Variants in PTPRN2 observed in about 807,000 individuals in gnomAD.
PTPRN2 encodes the protein receptor-type tyrosine-protein phosphatase N2.
PTPRN2 carries 74 observed loss-of-function variants against 118.8 expected under a neutral mutation model. The ratio of observed to expected loss-of-function variants is 0.62; its 90% confidence interval spans 0.52 to 0.76. The LOEUF (loss-of-function observed/expected upper bound fraction) is 0.76. PTPRN2 is among the 30% of genes least tolerant of loss of function. The pLI is 0.00. For missense variants in PTPRN2, 1,481 were observed against 1,394.4 expected (o/e 1.06, Z -0.99); for synonymous variants, 641 against 608.0 (o/e 1.05, Z -0.80).
chr7:158,564,861 C>T lies in PTPRN2; in HGVS notation c.112+22697G>A, dbSNP rs751323054. On this transcript the variant is annotated intron_variant, in intron 1 of 22. Coordinates refer to ENST00000389418, the MANE Select transcript of PTPRN2 (RefSeq NM_002847.5). ...AGCCAGGAAAATGAAGGGTCACAGA[C>T]GCCCTGCTGGGAGCTAAAGAGAAAT... 4.2e-4 allele frequency among the ~76,000 whole-genome samples: 64 copies of T among 152,270 alleles called. 1 individual carries two copies. Among genetic ancestry groups the T allele is most frequent in the Non-Finnish European group, 8.4e-4 (57 of 68,030 alleles).
intron 12 of PTPRN2, among the ~76,000 whole-genome samples, chr7:157,777,265 G>T (rs1464152218): frequency 3.9e-5 from 6 of 152,236 alleles, no homozygotes; most frequent in Non-Finnish European, 4.4e-5. Context: ...AAGTGGAATT[G>T]GAAACACGCC....
chr7:158,008,232 A>AG (rs1426583750), intron 11 of PTPRN2, among the ~76,000 whole-genome samples: 2 of 152,088 alleles, frequency 1.3e-5, no homozygotes, highest in African/African-American at 2.4e-5. Flanking sequence ...ATGGGTTCTG[A>AG]GGAATGAACG....
intron 1 of PTPRN2, among the ~76,000 whole-genome samples, chr7:158,498,414 G>C (rs1586809877): frequency 6.6e-6 from 1 of 152,150 alleles, no homozygotes; most frequent in Non-Finnish European, 1.5e-5. Flanking sequence ...AGAATTGTTT[G>C]TTTTATTTTT....
At chr7:158,131,353 A>G (rs951887786) in intron 9 of PTPRN2, among the ~76,000 whole-genome samples, 8 of 146,722 alleles carry the variant, frequency 5.5e-5, no homozygotes, top group African/African-American at 2.0e-4. Flanking sequence ...ATTTGCACAA[A>G]CCAATACACA....
At chr7:157,687,342 G>A (rs1348795155) in intron 12 of PTPRN2, among the ~76,000 whole-genome samples, 1 of 152,194 alleles carries the variant, frequency 6.6e-6, no homozygotes, top group African/African-American at 2.4e-5. Context: ...GTGTTGACGG[G>A]TAGCCAGATT....
intron 3 of PTPRN2, among the ~76,000 whole-genome samples, chr7:158,236,790 C>CCACTTCGCCGCCACCCATGCTGCCAT (rs1585931104): frequency 8.6e-5 from 6 of 69,814 alleles, no homozygotes; most frequent in East Asian, 4.2e-4. Flanking sequence ...GACCACTCTG[C>CCACTTCGCCGCCACCCATGCTGCCAT]TGTGGGGAAA....
intron 3 of PTPRN2, among the ~76,000 whole-genome samples, chr7:158,236,224 C>T (rs1051392323): frequency 2.6e-5 from 4 of 152,274 alleles, no homozygotes; most frequent in Admixed American, 2.6e-4. Flanking sequence ...AAACGCTTGG[C>T]TAAATGAAGA....
At chr7:158,462,071 C>CTCCCGCGTGACCT (rs1554509799) in intron 2 of PTPRN2, among the ~76,000 whole-genome samples, 3 of 152,282 alleles carry the variant, frequency 2.0e-5, no homozygotes, top group Admixed American at 2.0e-4. Context: ...CCTGTGCTTC[C>CTCCCGCGTGACCT]GCCCACGCCC....
intron 7 of PTPRN2, among the ~76,000 whole-genome samples, chr7:158,137,152 C>T (rs1249208382): frequency 6.6e-6 from 1 of 152,182 alleles, no homozygotes; most frequent in Non-Finnish European, 1.5e-5. Context: ...GGCGCGGTGG[C>T]TCACGCCTGT....
chr7:157,557,552 C>CCACACACACACACACACACA (rs56360906), intron 21 of PTPRN2, among the ~76,000 whole-genome samples: 1 of 149,626 alleles, frequency 6.7e-6, no homozygotes, highest in South Asian at 2.1e-4. Flanking sequence ...ACACACACTC[C>CCACACACACACACACACACA]CACACACACA....
At chr7:158,068,459 C>T (rs76077784) in intron 11 of PTPRN2, among the ~76,000 whole-genome samples, 6 of 152,110 alleles carry the variant, frequency 3.9e-5, no homozygotes, top group African/African-American at 7.2e-5. Context: ...CCTTTGCACT[C>T]GGCACCACCT....
chr7:157,656,345 G>T lies in PTPRN2; in HGVS notation c.2196+12C>A. On this transcript the variant is annotated intron_variant, in intron 14 of 22. Transcript: ENST00000389418. ...GTGTTTGTGTGGCAGGGAGTGCAAA[G>T]ACTGGGCTTACCAGGATCATGTGGC... The T allele has an allele frequency of 6.5e-7, 1 of 1,543,190 alleles. No individual in the cohort carries two copies. The highest frequency in any genetic ancestry group is 8.8e-7 in the Non-Finnish European group (1 of 1,140,512).
intron 15 of PTPRN2, among the ~76,000 whole-genome samples, chr7:157,604,802 TGTGAC>T (rs1801903151): frequency 6.6e-6 from 1 of 152,186 alleles, no homozygotes; most frequent in South Asian, 2.1e-4. Context: ...AGTAGGCACT[TGTGAC>T]GTGTGTGATA....
intron 14 of PTPRN2, among the ~76,000 whole-genome samples, chr7:157,633,647 C>T (rs767871233): frequency 6.6e-6 from 1 of 152,108 alleles, no homozygotes; most frequent in Non-Finnish European, 1.5e-5. Context: ...GCCGAGTCCC[C>T]GATGCTAAGG....
At chr7:158,442,108 A>AGTG (rs1270970315) in intron 2 of PTPRN2, among the ~76,000 whole-genome samples, 4 of 135,568 alleles carry the variant, frequency 3.0e-5, no homozygotes, top group Admixed American at 1.5e-4. Flanking sequence ...TGGTCACGGC[A>AGTG]GTGGTGGTGG....
At chr7:157,677,428 G>C (rs755536771) in intron 13 of PTPRN2, among the ~76,000 whole-genome samples, 1 of 152,112 alleles carries the variant, frequency 6.6e-6, no homozygotes, top group South Asian at 2.1e-4. Flanking sequence ...GCCACCTTTC[G>C]AGACTTCATT....
intron 8 of PTPRN2, among the ~76,000 whole-genome samples, chr7:158,134,775 G>C (rs1389191492): frequency 6.6e-6 from 1 of 152,044 alleles, no homozygotes; most frequent in Non-Finnish European, 1.5e-5. Flanking sequence ...CTATGCACCG[G>C]GTACAGATTT....
At chr7:157,683,594 T>A (rs2150811469) in intron 12 of PTPRN2, among the ~76,000 whole-genome samples, 1 of 152,200 alleles carries the variant, frequency 6.6e-6, no homozygotes, top group African/African-American at 2.4e-5. Context: ...TACGTATTTT[T>A]CCTTGAAAGG....
rs145736272 is a variant in PTPRN2, at chr7:157,940,680, C to T, written c.1724-41943G>A. On this transcript the variant is annotated intron_variant, in intron 11 of 22. Transcript: ENST00000389418. ...TGACACTGCAAATCTAACACTCTCC[C>T]CGAAGACACTGCAAATCTAACGCCC... Among the ~76,000 whole-genome samples, 519 of 147,776 alleles carry T rather than the reference C, an allele frequency of 3.5e-3. 13 individuals carry two copies. Among genetic ancestry groups the T allele is most frequent in the African/African-American group, 0.012 (477 of 38,930 alleles).
Sources: gnomAD v4.1 joint callset for allele counts (sites outside exome capture counted in the v4.1 genomes callset) on GRCh38, gnomAD v4.1.1 for gene constraint, MANE v1.5 for transcripts, NCBI Gene and HGNC (gene_info 2026-07-23, HGNC 2026-07-21) for gene names.